ZNF469: variants seen among roughly 807,000 people sequenced by gnomAD.
ZNF469 encodes zinc finger protein 469.
A neutral mutation model predicts 1.0 loss-of-function variants in ZNF469; 1 was observed. That is an observed-to-expected ratio of 1.00 (90% CI 0.35 to 4.73). The LOEUF (loss-of-function observed/expected upper bound fraction) is 4.73. ZNF469 is among the 30% of genes most tolerant of loss of function. The probability of loss-of-function intolerance (pLI) is 0.16; values close to 1 mark genes in which losing one functional copy is unlikely to be tolerated. For missense variants in ZNF469, 6,100 were observed against 5,356.3 expected, an observed-to-expected ratio of 1.14 and a Z score of -4.33; for synonymous variants, 2,703 against 2,363.4, an observed-to-expected ratio of 1.14 and a Z score of -4.17.
intron 1 of ZNF469, among the ~76,000 whole-genome samples, chr16:88,423,749 A>T (rs564219993): frequency 8.5e-5 from 13 of 152,134 alleles, no homozygotes; most frequent in Non-Finnish European, 1.3e-4. Context: ...TCCTCACCTC[A>T]TGGCCTCTCC....
At chr16:88,159,558 G>C in the ZNF469 span, among the ~76,000 whole-genome samples, 1 of 152,180 alleles carries the variant, frequency 6.6e-6, no homozygotes, top group Non-Finnish European at 1.5e-5. Flanking sequence ...GGAGAGAGGG[G>C]TGGGAAGGAG....
chr16:88,212,257 A>G, the ZNF469 span, among the ~76,000 whole-genome samples: 1 of 152,204 alleles, frequency 6.6e-6, no homozygotes, highest in South Asian at 2.1e-4. Context: ...CACCTGGTGG[A>G]TCCTTGCATA....
At chr16:88,364,834 A>G in the ZNF469 span, among the ~76,000 whole-genome samples, 12 of 152,246 alleles carry the variant, frequency 7.9e-5, no homozygotes, top group African/African-American at 2.9e-4. Context: ...GTGTGGTGGC[A>G]GGAGCCTGTA....
At position 88,430,387 on chromosome 16, in the gene ZNF469, G is replaced by A. The variant is rs966222932; in HGVS notation, c.2917G>A (p.Gly973Ser). 8.6e-6 allele frequency: 13 copies of A among 1,517,170 alleles called. No homozygotes were observed. The highest frequency in any genetic ancestry group is 1.8e-4 in the Middle Eastern group (1 of 5,506). 94.0% of individuals were successfully genotyped at this position (1,517,170 alleles called of 1,614,324 possible). ...AGAGGGGTCGGGGTCGGGCGGCGGC[G>A]GCAGAGCCTCCGGCCTGAGGCCCCG... is the stretch of plus-strand genomic sequence containing the variant. Reference protein sequence around the residue: ...AAEGSGSGGGGRASGLRPRRN... With the variant: ...AAEGSGSGGGSRASGLRPRRN... The change falls in exon 3 of 3, where the codon GGC becomes AGC. Residue 973 changes from glycine to serine, a missense_variant. Gly to Ser is a moderately conservative substitution (Grantham distance 56). Transcript: ENST00000565624.
the ZNF469 span, among the ~76,000 whole-genome samples, chr16:88,172,152 C>G: frequency 1 from 152,037 of 152,326 alleles, 75,874 homozygotes; most frequent in Middle Eastern, 1. Context: ...AGAGGGCAGA[C>G]TACTGGAGAG....
chr16:88,165,085 A>G, the ZNF469 span, among the ~76,000 whole-genome samples: 15 of 152,220 alleles, frequency 9.9e-5, no homozygotes, highest in African/African-American at 3.6e-4. Flanking sequence ...TGTGCCTTTC[A>G]TCCCCTTCAT....
chr16:88,328,790 A>G, the ZNF469 span, among the ~76,000 whole-genome samples: 1 of 152,204 alleles, frequency 6.6e-6, no homozygotes, highest in Admixed American at 6.5e-5. Flanking sequence ...TGCTTCCCAC[A>G]CAGTGAGCAC....
chr16:88,373,688 G>T, the ZNF469 span, among the ~76,000 whole-genome samples: 1 of 152,180 alleles, frequency 6.6e-6, no homozygotes. Context: ...GAGGAATCTT[G>T]AGCAGGTTTT....
chr16:88,221,704 G>T, the ZNF469 span, among the ~76,000 whole-genome samples: 173 of 152,334 alleles, frequency 1.1e-3, 2 homozygotes, highest in Middle Eastern at 3.4e-3. Flanking sequence ...CAACAGAAAT[G>T]CATCCTTGCA....
the ZNF469 span, among the ~76,000 whole-genome samples, chr16:88,200,084 G>A: frequency 3.5e-3 from 525 of 151,948 alleles, 4 homozygotes; most frequent in African/African-American, 0.012. Flanking sequence ...GTCGTGCCCC[G>A]GGGGGAGGAT....
the ZNF469 span, among the ~76,000 whole-genome samples, chr16:88,223,835 C>G: frequency 6.6e-6 from 1 of 152,238 alleles, no homozygotes; most frequent in African/African-American, 2.4e-5. Context: ...CCGCCCCCTT[C>G]GTTAGAATGT....
the ZNF469 span, among the ~76,000 whole-genome samples, chr16:88,235,110 G>A: frequency 6.6e-6 from 1 of 152,150 alleles, no homozygotes. Context: ...CGCTGGGGCT[G>A]CTGCTGAAAT....
At chr16:88,129,276 G>C in the ZNF469 span, among the ~76,000 whole-genome samples, 580 of 152,074 alleles carry the variant, frequency 3.8e-3, 2 homozygotes, top group Middle Eastern at 0.02. Flanking sequence ...CCTTAGGGTC[G>C]TCTCGGCCTC....
chr16:88,106,290 GCT>G, the ZNF469 span, among the ~76,000 whole-genome samples: 2 of 152,150 alleles, frequency 1.3e-5, no homozygotes, highest in African/African-American at 4.8e-5. Context: ...ACCTCTCCCT[GCT>G]CGTGATTCAC....
At chr16:88,330,469 G>A in the ZNF469 span, among the ~76,000 whole-genome samples, 8 of 152,216 alleles carry the variant, frequency 5.3e-5, no homozygotes, top group East Asian at 1.9e-4. Flanking sequence ...TCCTTAGCAC[G>A]CATATTCCCA....
the ZNF469 span, among the ~76,000 whole-genome samples, chr16:88,115,209 G>A: frequency 6.6e-6 from 1 of 152,148 alleles, no homozygotes; most frequent in Non-Finnish European, 1.5e-5. Flanking sequence ...AAACGTGGCA[G>A]GAAGCACACC....
chr16:88,342,514 G>T, the ZNF469 span, among the ~76,000 whole-genome samples: 5 of 152,104 alleles, frequency 3.3e-5, no homozygotes, highest in Non-Finnish European at 7.4e-5. Flanking sequence ...TGCACGGTGG[G>T]GGCCCACTGC....
chr16:88,183,463 C>T, the ZNF469 span, among the ~76,000 whole-genome samples: 3 of 152,200 alleles, frequency 2.0e-5, no homozygotes, highest in South Asian at 2.1e-4. Flanking sequence ...GCACCAAGGG[C>T]GGGACGCTGG....
At chr16:88,168,403 G>A in the ZNF469 span, among the ~76,000 whole-genome samples, 1 of 152,168 alleles carries the variant, frequency 6.6e-6, no homozygotes, top group Non-Finnish European at 1.5e-5. The surrounding 1 kb of genome is among the most constrained non-coding windows in gnomAD (Gnocchi z 4.3). Context: ...GAATTCCGTG[G>A]CCTCCCTGTC....
Sources: allele counts gnomAD v4.1 joint callset (sites outside exome capture counted in the v4.1 genomes callset), GRCh38; gene constraint gnomAD v4.1.1; non-coding constraint Gnocchi (gnomAD v3.1); transcripts MANE v1.5; gene names NCBI Gene and HGNC (gene_info 2026-07-23, HGNC 2026-07-21).